AKAP9: variants seen among roughly 807,000 people sequenced by gnomAD.
AKAP9 encodes the protein A-kinase anchoring protein 9.
In AKAP9, 311 loss-of-function variants were observed where a neutral mutation model predicts 488.5. The ratio of observed to expected loss-of-function variants is 0.64; its 90% CI spans 0.58 to 0.70. AKAP9 has a LOEUF of 0.70. Among genes scored for constraint, AKAP9 ranks in the 30% least tolerant of loss-of-function variants. The pLI, the probability that AKAP9 is intolerant of heterozygous loss-of-function variation, is 0.00. For synonymous variants in AKAP9, 1,462 were observed against 1,483.5 expected, an observed-to-expected ratio of 0.99 and a Z score of 0.33; for missense variants, 4,215 against 4,374.5, an observed-to-expected ratio of 0.96 and a Z score of 1.03.
chr7:92,033,875 T>C (rs1159613968), intron 16 of AKAP9, among the ~76,000 whole-genome samples: 2 of 152,218 alleles, frequency 1.3e-5, no homozygotes, highest in Admixed American at 1.3e-4. Flanking sequence ...ATTTCACTGT[T>C]AAGCAATGTT....
intron 2 of AKAP9, among the ~76,000 whole-genome samples, chr7:91,977,295 G>T (rs936742774): frequency 6.6e-6 from 1 of 151,450 alleles, no homozygotes; most frequent in Admixed American, 6.6e-5. Context: ...GGTGGCTCAT[G>T]CCTGTAATCC....
chr7:91,986,773 A>T (rs1797144761), intron 3 of AKAP9, among the ~76,000 whole-genome samples: 1 of 152,140 alleles, frequency 6.6e-6, no homozygotes, highest in African/African-American at 2.4e-5. Flanking sequence ...AAGGTAAGGT[A>T]CAAATAGTAT....
intron 1 of AKAP9, chr7:91,970,560 T>G (rs1380059173): frequency 2.2e-6 from 1 of 448,564 alleles, no homozygotes; most frequent in Non-Finnish European, 4.5e-6. Context: ...AAGACTTTGT[T>G]CCTCTTCTTT....
chr7:91,960,229 C>G (rs1202594963), intron 1 of AKAP9, among the ~76,000 whole-genome samples: 1 of 152,122 alleles, frequency 6.6e-6, no homozygotes, highest in Non-Finnish European at 1.5e-5. Flanking sequence ...ATATTTTGTA[C>G]CATTCTCTCG....
intron 1 of AKAP9, among the ~76,000 whole-genome samples, chr7:91,970,216 C>A (rs1006927812): frequency 2.0e-5 from 3 of 152,138 alleles, no homozygotes; most frequent in Admixed American, 6.5e-5. Context: ...TATACTCTAA[C>A]TCCATTCCCT....
chr7:91,986,321 A>G (rs1013493753), intron 3 of AKAP9, among the ~76,000 whole-genome samples: 1 of 152,070 alleles, frequency 6.6e-6, no homozygotes, highest in Non-Finnish European at 1.5e-5. Flanking sequence ...CTTGGCTAGG[A>G]AAGGGAAATC....
intron 1 of AKAP9, among the ~76,000 whole-genome samples, chr7:91,956,436 C>G (rs983796165): frequency 1.3e-5 from 2 of 149,068 alleles, no homozygotes; most frequent in African/African-American, 4.9e-5. Flanking sequence ...GATGGGATTT[C>G]TAGCCTCCTA....
intron 3 of AKAP9, among the ~76,000 whole-genome samples, chr7:91,986,501 C>T (rs1448688323): frequency 1.3e-5 from 2 of 152,128 alleles, no homozygotes; most frequent in South Asian, 2.1e-4. Flanking sequence ...AGCTGCAGAC[C>T]GGAGCTGTTC....
intron 37 of AKAP9, among the ~76,000 whole-genome samples, chr7:92,087,990 T>C (rs1814893666): frequency 6.6e-6 from 1 of 152,032 alleles, no homozygotes; most frequent in Admixed American, 6.6e-5. Flanking sequence ...CACTGTAGTG[T>C]TAAATCACCC....
At chr7:91,953,778 A>G (rs1390456209) in intron 1 of AKAP9, among the ~76,000 whole-genome samples, 1 of 151,772 alleles carries the variant, frequency 6.6e-6, no homozygotes, top group Non-Finnish European at 1.5e-5. Context: ...AATGTCTGTC[A>G]TTGATAACTT....
At chr7:92,074,531 T>A (rs1357825851) in intron 28 of AKAP9, among the ~76,000 whole-genome samples, 1 of 152,238 alleles carries the variant, frequency 6.6e-6, no homozygotes, top group Non-Finnish European at 1.5e-5. Flanking sequence ...CAAAGGATTA[T>A]AAATCATTCT....
At position 92,110,662 on chromosome 7, in the gene AKAP9, AT is replaced by A. The variant is rs1819186634; in HGVS notation, c.*507del. 1.5e-5 allele frequency: 3 copies of A among 197,080 alleles called. No homozygotes were observed. The South Asian group carries it at 5.4e-4, about 35-fold the overall frequency. The allele number at this position is 197,080 out of a possible 1,614,324, so 12.2% of individuals were successfully genotyped here. On this transcript the variant is annotated 3_prime_UTR_variant, in exon 50 of 50. Coordinates refer to ENST00000356239, the MANE Select transcript of AKAP9 (RefSeq NM_005751.5). ...GTACTGAAATAAAAATGACTTCACC[AT>A]TTTCACCACACTGTATTTGAACCTT...
At chr7:92,085,760 TTATC>T (rs1814444660) in intron 36 of AKAP9, 74 bp downstream of exon 36, 1 of 1,132,450 alleles carries the variant, frequency 8.8e-7, no homozygotes, top group African/African-American at 1.6e-5. Context: ...ATAAATTAAA[TTATC>T]TTTTATACAT....
Position 92,093,293 on chromosome 7 carries a change from C to T in AKAP9, c.9555C>T (p.His3185=), listed in dbSNP as rs1815955125. ...CAACACTCAAGGCACAGCATAAACA[C>T]CTAAAAGAATTGGAGGCTTTCAGGT... ...LETTLKAQHK[H]LKELEAFRLE... The change falls in exon 39 of 50, where the codon CAC becomes CAT. Residue 3185 remains histidine (H), a synonymous_variant. Coordinates refer to ENST00000356239, the MANE Select transcript of AKAP9 (RefSeq NM_005751.5). The T allele has an allele frequency of 6.2e-7, 1 of 1,613,812 alleles. No individual in the cohort carries two copies. Among genetic ancestry groups the T allele is most frequent in the Non-Finnish European group, 8.5e-7 (1 of 1,180,018 alleles).
At chr7:92,022,403 G>A in intron 13 of AKAP9, 51 bp downstream of exon 13, 1 of 1,310,480 alleles carries the variant, frequency 7.6e-7, no homozygotes, top group Non-Finnish European at 1.1e-6. Flanking sequence ...CAAATATTGA[G>A]TAATTTGCTT....
chr7:92,055,844 T>C (rs937910006), intron 22 of AKAP9, among the ~76,000 whole-genome samples: 1 of 152,034 alleles, frequency 6.6e-6, no homozygotes, highest in Non-Finnish European at 1.5e-5. Flanking sequence ...GCCACTATCC[T>C]GAATCATCTT....
At chr7:92,028,925 G>A (rs1443577788) in intron 14 of AKAP9, among the ~76,000 whole-genome samples, 1 of 152,046 alleles carries the variant, frequency 6.6e-6, no homozygotes, top group Admixed American at 6.6e-5. Context: ...CATCATTAGG[G>A]GTTTAGTTAT....
chr7:92,042,906 A>T (rs1330987124), intron 20 of AKAP9, 135 bp downstream of exon 20: 6 of 618,640 alleles, frequency 9.7e-6, no homozygotes, highest in Non-Finnish European at 1.8e-5. Context: ...TGTATGAAAC[A>T]TGTCCATGTA....
intron 3 of AKAP9, among the ~76,000 whole-genome samples, chr7:91,988,822 A>T (rs1006107124): frequency 2.0e-5 from 3 of 152,136 alleles, no homozygotes; most frequent in Non-Finnish European, 4.4e-5. Context: ...TTATACTTTA[A>T]GTTCTAGGGT....
Sources: gnomAD v4.1 joint callset for allele counts (sites outside exome capture counted in the v4.1 genomes callset) on GRCh38, gnomAD v4.1.1 for gene constraint, MANE v1.5 for transcripts, NCBI Gene and HGNC (gene_info 2026-07-23, HGNC 2026-07-21) for gene names.